The following FKTN variants were observed in gnomAD, a reference collection of about 807,000 sequenced individuals.
FKTN encodes fukutin, also known as ribitol-5-phosphate transferase FKTN.
Under a neutral mutation model 58.6 loss-of-function variants are expected in FKTN, and 47 were observed. The observed-to-expected ratio is 0.80, with a 90% confidence interval of 0.63 to 1.02. The LOEUF is 1.02. FKTN is among the 50% of genes least tolerant of loss of function. The probability of loss-of-function intolerance (pLI) is 0.00; values close to 1 mark genes in which losing one functional copy is unlikely to be tolerated. For synonymous variants in FKTN, 178 were observed against 191.9 expected, an observed-to-expected ratio of 0.93 and a Z score of 0.60; for missense variants, 516 against 537.3, an observed-to-expected ratio of 0.96 and a Z score of 0.39.
chr9:105,588,595 A>T (rs535263750), intron 3 of FKTN, among the ~76,000 whole-genome samples: 1 of 152,198 alleles, frequency 6.6e-6, no homozygotes, highest in East Asian at 1.9e-4. Context: ...ATAACAATAC[A>T]TGTTACCTCT....
In FKTN at chr9:105,637,005, C is replaced by G; in HGVS notation, c.*1741C>G. On this transcript the variant is annotated 3_prime_UTR_variant, in exon 11 of 11. Coordinates refer to ENST00000357998, the MANE Select transcript of FKTN (RefSeq NM_001079802.2). ...CATTTAAGATTGTCAGCAAACTTGT[C>G]CCAAAATGGCACATCATCATAATCC... The G allele has an allele frequency of 1.0e-6, 1 of 998,480 alleles. No individual in the cohort carries two copies. The highest frequency in any genetic ancestry group is 1.0e-4 in the East Asian group (1 of 9,724). The allele number at this position is 998,480 out of a possible 1,614,324, so 61.9% of individuals were successfully genotyped here.
At chr9:105,630,523 T>C (rs954272100) in intron 10 of FKTN, among the ~76,000 whole-genome samples, 1 of 152,166 alleles carries the variant, frequency 6.6e-6, no homozygotes, top group Non-Finnish European at 1.5e-5. Context: ...AGATTATCCC[T>C]GTATTGTACA....
At chr9:105,588,383 T>C (rs894639159) in intron 3 of FKTN, among the ~76,000 whole-genome samples, 1 of 152,242 alleles carries the variant, frequency 6.6e-6, no homozygotes, top group African/African-American at 2.4e-5. Flanking sequence ...CAGTTGACTT[T>C]ACATGGCATT....
chr9:105,637,547 G>C lies in FKTN; in HGVS notation c.*2283G>C. 1.0e-6 allele frequency: 1 copy of C among 985,268 alleles called. No individual in the cohort carries two copies. Among genetic ancestry groups the C allele is most frequent in the South Asian group, 4.7e-5 (1 of 21,288 alleles). 61.0% of individuals were successfully genotyped at this position (985,268 alleles called of 1,614,324 possible). A position where few individuals can be genotyped will look rare whatever the true frequency, so the allele number is the denominator to read the frequency against. ...TTCATCTTATGTATTTTAACAGTTG[G>C]GTTCTGTGGAGTGTCCAGAGACCTT... is the stretch of plus-strand genomic sequence containing the variant. On this transcript the variant is annotated 3_prime_UTR_variant, in exon 11 of 11. Coordinates refer to ENST00000357998, the MANE Select transcript of FKTN (RefSeq NM_001079802.2).
chr9:105,583,083 A>G (rs1843311390), intron 3 of FKTN, among the ~76,000 whole-genome samples: 2 of 152,144 alleles, frequency 1.3e-5, no homozygotes, highest in Admixed American at 6.6e-5. Context: ...AGGTTTTACT[A>G]TTGTTATTTA....
intron 10 of FKTN, among the ~76,000 whole-genome samples, chr9:105,622,171 A>G (rs1170715320): frequency 6.6e-6 from 1 of 152,080 alleles, no homozygotes; most frequent in East Asian, 1.9e-4. Context: ...ACCATACACC[A>G]AATATAATTG....
intron 1 of FKTN, among the ~76,000 whole-genome samples, chr9:105,560,058 C>G (rs1367860963): frequency 6.6e-6 from 1 of 152,184 alleles, no homozygotes; most frequent in Non-Finnish European, 1.5e-5. Context: ...TCTGGGAATT[C>G]TGGCAGAAAA....
intron 3 of FKTN, among the ~76,000 whole-genome samples, chr9:105,596,180 G>A (rs1826773616): frequency 6.6e-6 from 1 of 152,170 alleles, no homozygotes; most frequent in South Asian, 2.1e-4. Flanking sequence ...AAACACACGA[G>A]CTCTTCAATA....
At chr9:105,590,150 T>TG (rs972895928) in intron 3 of FKTN, among the ~76,000 whole-genome samples, 53 of 151,962 alleles carry the variant, frequency 3.5e-4, no homozygotes, top group African/African-American at 1.1e-3. Flanking sequence ...TCCCATGTGC[T>TG]GGGGGGGGAC....
rs886063324 is a variant in FKTN at position 105,636,281 on chromosome 9, A to G, written c.*1017A>G. ...CTTCATTTATCAATTACAGCTTCGT[A>G]TCTCTAATTTATGGTCTATATACCA... On this transcript the variant is annotated 3_prime_UTR_variant, in exon 11 of 11. Transcript: ENST00000357998. The G allele has an allele frequency of 4.5e-5, 43 of 956,738 alleles. No individual in the cohort carries two copies. Among genetic ancestry groups the G allele is most frequent in the Non-Finnish European group, 1.6e-5 (13 of 804,054 alleles). 59.3% of individuals were successfully genotyped at this position (956,738 alleles called of 1,614,324 possible). A position where few individuals can be genotyped will look rare whatever the true frequency, so the allele number is the denominator to read the frequency against.
At chr9:105,600,022 C>T (rs909688021) in intron 4 of FKTN, among the ~76,000 whole-genome samples, 7 of 151,558 alleles carry the variant, frequency 4.6e-5, no homozygotes, top group African/African-American at 1.7e-4. Flanking sequence ...GATTTTGTTT[C>T]ATCTTGTGGC....
At chr9:105,597,205 TA>T (rs1826970438) in intron 4 of FKTN, among the ~76,000 whole-genome samples, 1 of 152,178 alleles carries the variant, frequency 6.6e-6, no homozygotes, top group South Asian at 2.1e-4. Flanking sequence ...GGGTTACTAA[TA>T]AAACACAACA....
intron 3 of FKTN, among the ~76,000 whole-genome samples, chr9:105,591,949 C>T (rs2518124): frequency 0.59 from 89,424 of 152,106 alleles, 26,503 homozygotes; most frequent in East Asian, 0.7. Flanking sequence ...CCTGTGCCCC[C>T]TTGAGCCATG....
intron 10 of FKTN, among the ~76,000 whole-genome samples, chr9:105,628,919 C>T (rs2133361145): frequency 6.6e-6 from 1 of 152,254 alleles, no homozygotes; most frequent in South Asian, 2.1e-4. Context: ...GGGTTGATTG[C>T]TTGACTGACA....
At position 105,562,961 on chromosome 9, in the gene FKTN, C is replaced by A. The variant is rs75655270; in HGVS notation, c.-181+4796C>A. ...TCAGGGAAGGTTTTTGATTCCACTT[C>A]CCCCCACTCCTGCCTTCTGGATCAT... On this transcript the variant is annotated intron_variant, in intron 1 of 10. Coordinates refer to ENST00000357998, the MANE Select transcript of FKTN (RefSeq NM_001079802.2). 5.5e-4 allele frequency among the ~76,000 whole-genome samples: 83 copies of A among 152,250 alleles called. No homozygotes were observed. The East Asian group carries it at 0.012, about 22-fold the overall frequency.
chr9:105,610,974 T>C (rs1829814210), intron 7 of FKTN, among the ~76,000 whole-genome samples: 2 of 152,228 alleles, frequency 1.3e-5, no homozygotes, highest in South Asian at 4.1e-4. Flanking sequence ...AGATAATTAA[T>C]GAGCTCCAGG....
rs536822992 is a variant in FKTN, at chr9:105,635,588, G to C, written c.*324G>C. On this transcript the variant is annotated 3_prime_UTR_variant, in exon 11 of 11. Coordinates refer to ENST00000357998, the MANE Select transcript of FKTN (RefSeq NM_001079802.2). ...CTTTGAAGAGTTCAAGTTCTGTACA[G>C]GTTTTTAAAACGTGAAGTAATGTTT... 5.4e-5 allele frequency: 65 copies of C among 1,200,006 alleles called. No homozygotes were observed. In the South Asian group the frequency reaches 1.2e-3, roughly 21 times the overall value. 74.3% of individuals were successfully genotyped at this position (1,200,006 alleles called of 1,614,324 possible). A position where few individuals can be genotyped will look rare whatever the true frequency, so the allele number is the denominator to read the frequency against.
intron 3 of FKTN, among the ~76,000 whole-genome samples, chr9:105,586,864 A>G (rs1844005957): frequency 6.6e-6 from 1 of 152,218 alleles, no homozygotes; most frequent in Non-Finnish European, 1.5e-5. Flanking sequence ...TAGTGTCCCT[A>G]TAAGCTTATA....
rs1831625402 is a variant in FKTN, at chr9:105,620,265, C to A, written c.1172+204C>A. 1.4e-5 allele frequency: 7 copies of A among 487,208 alleles called. No homozygotes were observed. The South Asian group carries it at 1.5e-4, about 10-fold the overall frequency. 30.2% of individuals were successfully genotyped at this position (487,208 alleles called of 1,614,324 possible). Reference sequence around the variant, plus strand: ...GGACGGTTTGTGAGGAGGAAGTGTCCCTGGGTTTGTCAGTCCAAGTTGATG... The same window carrying A: ...GGACGGTTTGTGAGGAGGAAGTGTCACTGGGTTTGTCAGTCCAAGTTGATG... On this transcript the variant is annotated intron_variant, in intron 10 of 10. Transcript: ENST00000357998.
Sources: gnomAD v4.1 joint callset for allele counts (sites outside exome capture counted in the v4.1 genomes callset) on GRCh38, gnomAD v4.1.1 for gene constraint, MANE v1.5 for transcripts, NCBI Gene and HGNC (gene_info 2026-07-23, HGNC 2026-07-21) for gene names.